Variants in DPF2 observed in about 807,000 individuals in gnomAD.
DPF2 encodes double PHD fingers 2.
In DPF2, 10 loss-of-function variants were observed where a neutral mutation model predicts 59.6. The ratio of observed to expected loss-of-function variants is 0.17; its 90% CI spans 0.10 to 0.28. The LOEUF (loss-of-function observed/expected upper bound fraction) is 0.28, where lower values mean the gene tolerates loss of function less well. Ranked by LOEUF, DPF2 falls within the 10% of genes least tolerant of loss-of-function variation. DPF2 has a pLI of 1.00. For synonymous variants in DPF2, 189 were observed against 190.6 expected, an observed-to-expected ratio of 0.99 and a Z score of 0.07; for missense variants, 315 against 509.4, an observed-to-expected ratio of 0.62 and a Z score of 3.67.
chr11:65,343,299 CAAAAA>C (rs529933254), intron 4 of DPF2, among the ~76,000 whole-genome samples: 1 of 58,024 alleles, frequency 1.7e-5, no homozygotes, highest in Non-Finnish European at 3.1e-5. Context: ...AACTCTGTCT[CAAAAA>C]AAAAAAAAAA....
intron 10 of DPF2, 71 bp from the exon 11 acceptor site, chr11:65,351,612 A>C (rs1189348689): frequency 7.4e-7 from 1 of 1,344,312 alleles, no homozygotes; most frequent in Admixed American, 1.7e-5. Flanking sequence ...ATGGGGTATC[A>C]AGAGCAGAGG....
At chr11:65,346,162 C>T (rs1854521751) in intron 8 of DPF2, 85 bp from the exon 9 acceptor site, 2 of 1,596,316 alleles carry the variant, frequency 1.3e-6, no homozygotes, top group East Asian at 4.5e-5. Context: ...TTTTCCTAAC[C>T]AAGAGAAGAT....
At chr11:65,348,974 GT>G in intron 10 of DPF2, 43 bp downstream of exon 10, 1 of 1,600,492 alleles carries the variant, frequency 6.2e-7, no homozygotes, top group African/African-American at 1.3e-5. Flanking sequence ...TACTTTATTA[GT>G]TACTTGGAAA....
At position 65,344,187 on chromosome 11, in the gene DPF2, TC is replaced by T. The variant is rs1854462041; in HGVS notation, c.637+120del. ...GTATTAAAACAAACCTGGGCTCTTGTCCTGCCTGCTGACTGCTTCCGTCTGA... is the reference window on the plus strand; with the variant it reads ...GTATTAAAACAAACCTGGGCTCTTGTCTGCCTGCTGACTGCTTCCGTCTGA... On this transcript the variant is annotated intron_variant, in intron 6 of 10. Coordinates refer to ENST00000528416, the MANE Select transcript of DPF2 (RefSeq NM_006268.5). 4.8e-6 allele frequency: 5 copies of T among 1,038,840 alleles called. No homozygotes were observed. The South Asian group carries it at 6.9e-5, about 14-fold the overall frequency. 64.4% of individuals were successfully genotyped at this position (1,038,840 alleles called of 1,614,324 possible).
chr11:65,350,028 A>T (rs1007124489), intron 10 of DPF2, among the ~76,000 whole-genome samples: 6 of 152,206 alleles, frequency 3.9e-5, no homozygotes, highest in Non-Finnish European at 7.3e-5. Context: ...GGGAGTACTC[A>T]GCTTCTGTCA....
chr11:65,343,529 A>C, intron 4 of DPF2: 1 of 566,420 alleles, frequency 1.8e-6, no homozygotes, highest in Non-Finnish European at 3.2e-6. Context: ...TTTCAGGCTA[A>C]GGAAATAACG....
At chr11:65,349,311 C>A (rs559274280) in intron 10 of DPF2, among the ~76,000 whole-genome samples, 1 of 152,306 alleles carries the variant, frequency 6.6e-6, no homozygotes, top group Non-Finnish European at 1.5e-5. Flanking sequence ...CTATCCCTTC[C>A]CCTTCTGAAC....
Position 65,341,447 on chromosome 11 carries a change from G to A in DPF2, c.350G>A (p.Ser117Asn). ...KKEGLISQDGSSLEALLRTDP... is the reference protein window; with the variant it reads ...KKEGLISQDGNSLEALLRTDP... Reference sequence around the variant, plus strand: ...GAGGGGCTGATCTCTCAGGATGGCAGTAGTTTAGAGGCTCTGTTGCGCACT... The same window carrying A: ...GAGGGGCTGATCTCTCAGGATGGCAATAGTTTAGAGGCTCTGTTGCGCACT... Residue 117 changes from serine (S) to asparagine (N), a missense_variant, in exon 4 of 11, where the codon AGT becomes AAT. Physicochemically the swap from Ser to Asn is conservative, Grantham distance 46 (BLOSUM62 1). Transcript: ENST00000528416. 1 of 1,614,254 alleles carries A rather than the reference G, an allele frequency of 6.2e-7. No homozygotes were observed. The highest frequency in any genetic ancestry group is 8.5e-7 in the Non-Finnish European group (1 of 1,180,052).
At position 65,341,406 on chromosome 11, in the gene DPF2, C is replaced by T; in HGVS notation, c.309C>T (p.Asp103=). ...TCCTGACCTTGCTTGCAGACACAGA[C>T]CAGACCCTGAAGAAGGAGGGGCTGA... ...LSFPSIKPDT[D]QTLKKEGLIS... The change falls in exon 4 of 11, where the codon GAC becomes GAT. Residue 103 remains aspartate, a synonymous_variant. Transcript: ENST00000528416. 1.2e-6 allele frequency: 2 copies of T among 1,614,174 alleles called. No homozygotes were observed. The highest frequency in any genetic ancestry group is 1.7e-6 in the Non-Finnish European group (2 of 1,180,022).
chr11:65,346,389 G>T, intron 9 of DPF2, 30 bp downstream of exon 9: 1 of 1,590,190 alleles, frequency 6.3e-7, no homozygotes, highest in Non-Finnish European at 8.6e-7. Context: ...CCTCAGCATG[G>T]CTCCTTCTGG....
At chr11:65,343,299 C>CAAA (rs529933254) in intron 4 of DPF2, among the ~76,000 whole-genome samples, 93 of 57,626 alleles carry the variant, frequency 1.6e-3, no homozygotes, top group Non-Finnish European at 2.2e-3. Context: ...AACTCTGTCT[C>CAAA]AAAAAAAAAA....
chr11:65,344,256 C>G, intron 6 of DPF2, 187 bp downstream of exon 6: 1 of 640,928 alleles, frequency 1.6e-6, no homozygotes, highest in Non-Finnish European at 2.7e-6. Context: ...ACGGGTGGGA[C>G]CTGCATGCTC....
chr11:65,342,912 CA>C lies in DPF2; in HGVS notation c.466-830del, dbSNP rs200755932. 4.0e-3 allele frequency among the ~76,000 whole-genome samples: 594 copies of C among 149,440 alleles called. 19 individuals carry two copies. The East Asian group carries it at 0.089, about 22-fold the overall frequency. On this transcript the variant is annotated intron_variant, in intron 4 of 10. Transcript: ENST00000528416. ...ACCTGCAGTCCCAGCTACTCAGGCG[CA>C]AACCCGGGAGGCAGAGCTTGCAGTG... is the stretch of plus-strand genomic sequence containing the variant.
In DPF2 at chr11:65,343,998, G is replaced by A. The variant is rs957785823; in HGVS notation, c.566G>A (p.Gly189Asp). 6.2e-7 allele frequency: 1 copy of A among 1,614,214 alleles called. No homozygotes were observed. The highest frequency in any genetic ancestry group is 1.7e-5 in the Admixed American group (1 of 60,024). Residue 189 changes from glycine (G) to aspartate (D), a missense_variant, in exon 6 of 11, where the codon GGT (glycine) becomes GAT (aspartate). By Grantham distance (94) the Gly-to-Asp change is moderately conservative. Transcript: ENST00000528416. ...RRGKGKSKGKGVGSARKKLDA... is the reference protein window; with the variant it reads ...RRGKGKSKGKDVGSARKKLDA... ...CTTTGCTCTTCTTGGCAGGGTAAGG[G>A]TGTGGGCAGTGCCCGTAAGAAGCTG...
chr11:65,342,980 C>T (rs1348511005), intron 4 of DPF2, among the ~76,000 whole-genome samples: 3 of 135,108 alleles, frequency 2.2e-5, no homozygotes, highest in South Asian at 2.3e-4. Context: ...GGTGACAGAA[C>T]GAGACTCCAT....
intron 1 of DPF2, among the ~76,000 whole-genome samples, chr11:65,335,043 C>T (rs1950077714): frequency 6.6e-6 from 1 of 151,102 alleles, no homozygotes; most frequent in Admixed American, 6.6e-5. Context: ...TTTCCCACTT[C>T]CATTAAGCTA....
rs111452455 is a variant in DPF2 at position 65,334,315 on chromosome 11, C to A, written c.32+397C>A. 6.6e-5 allele frequency among the ~76,000 whole-genome samples: 10 copies of A among 152,256 alleles called. 1 individual carries two copies. Among genetic ancestry groups the A allele is most frequent in the African/African-American group, 2.4e-4 (10 of 41,572 alleles). ...CGGCTGGCCCGCCGCCCACCCCGCC[C>A]CGTCCCGTCCCGTTCGCTGCAGCAA... is the stretch of plus-strand genomic sequence containing the variant. On this transcript the variant is annotated intron_variant, in intron 1 of 10. Transcript: ENST00000528416.
At chr11:65,337,496 TATATA>T (rs1854216166) in intron 1 of DPF2, among the ~76,000 whole-genome samples, 1 of 57,222 alleles carries the variant, frequency 1.7e-5, no homozygotes, top group Non-Finnish European at 3.2e-5. Flanking sequence ...TATATATATA[TATATA>T]TATAGAGAGA....
chr11:65,344,157 C>A, intron 6 of DPF2, 88 bp downstream of exon 6: 1 of 1,401,640 alleles, frequency 7.1e-7, no homozygotes, highest in Non-Finnish European at 1.0e-6. Flanking sequence ...GTGTTTTTGC[C>A]CAGAGTATTA....
Sources: gnomAD v4.1 joint callset for allele counts (sites outside exome capture counted in the v4.1 genomes callset) on GRCh38, gnomAD v4.1.1 for gene constraint, MANE v1.5 for transcripts, NCBI Gene and HGNC (gene_info 2026-07-23, HGNC 2026-07-21) for gene names.